The following LHFPL2 variants were observed in gnomAD, a reference collection of about 807,000 sequenced individuals.
LHFPL2 encodes the protein LHFPL tetraspan subfamily member 2.
A neutral mutation model predicts 17.5 loss-of-function variants in LHFPL2; 7 were observed. The ratio of observed to expected loss-of-function variants is 0.40; its 90% CI spans 0.23 to 0.75. LHFPL2 has a LOEUF of 0.75. LHFPL2 is among the 30% of genes least tolerant of loss of function. LHFPL2 has a pLI of 0.37. For synonymous variants in LHFPL2, 134 were observed against 116.2 expected, an observed-to-expected ratio of 1.15 and a Z score of -0.99; for missense variants, 241 against 294.8, an observed-to-expected ratio of 0.82 and a Z score of 1.34.
chr5:78,638,017 A>G (rs540098831), intron 1 of LHFPL2, among the ~76,000 whole-genome samples: 17 of 152,302 alleles, frequency 1.1e-4, no homozygotes, highest in Admixed American at 7.8e-4. Flanking sequence ...GCAGGACCCA[A>G]TGAATAGCTG....
chr5:78,492,831 A>G (rs1173852851), intron 4 of LHFPL2, among the ~76,000 whole-genome samples: 2 of 152,210 alleles, frequency 1.3e-5, no homozygotes, highest in Non-Finnish European at 2.9e-5. Flanking sequence ...AAGTGTGCCA[A>G]CCACACGCTG....
chr5:78,633,200 G>A (rs10069173), intron 1 of LHFPL2, among the ~76,000 whole-genome samples: 2 of 151,986 alleles, frequency 1.3e-5, no homozygotes, highest in African/African-American at 4.8e-5. Flanking sequence ...CATCCTGGTC[G>A]GTTGTGAGAG....
chr5:78,588,251 G>GCCTGCAACTCCTGGGATCAAGTGATCTT (rs1743500225), intron 2 of LHFPL2, among the ~76,000 whole-genome samples: 2 of 152,196 alleles, frequency 1.3e-5, no homozygotes, highest in African/African-American at 4.8e-5. Flanking sequence ...GCTCACTGCT[G>GCCTGCAACTCCTGGGATCAAGTGATCTT]CCTGCAACTC....
At chr5:78,520,204 C>T (rs1755410315) in intron 3 of LHFPL2, among the ~76,000 whole-genome samples, 1 of 152,176 alleles carries the variant, frequency 6.6e-6, no homozygotes, top group Non-Finnish European at 1.5e-5. Context: ...CCCAAGGCCA[C>T]AAAAGCACCT....
chr5:78,485,742 T>C lies in LHFPL2; in HGVS notation c.*3155A>G, dbSNP rs1417522537. On this transcript the variant is annotated 3_prime_UTR_variant, in exon 5 of 5. Coordinates refer to ENST00000380345, the MANE Select transcript of LHFPL2 (RefSeq NM_005779.3). ...GTGATTATGTACCAGCTACTAGTTA[T>C]CCTACTAAGAGAAAAGGCAACATGG... is the stretch of plus-strand genomic sequence containing the variant. 1 of 152,622 alleles carries C rather than the reference T, an allele frequency of 6.6e-6. No homozygotes were observed. 9.5% of individuals were successfully genotyped at this position (152,622 alleles called of 1,614,324 possible). A position where few individuals can be genotyped will look rare whatever the true frequency, so the allele number is the denominator to read the frequency against.
chr5:78,528,155 T>TTTTTTA, intron 3 of LHFPL2, among the ~76,000 whole-genome samples: 1 of 152,252 alleles, frequency 6.6e-6, no homozygotes, highest in East Asian at 1.9e-4. Flanking sequence ...CTGTACCTGC[T>TTTTTTA]ATGGGCTTCC....
intron 3 of LHFPL2, among the ~76,000 whole-genome samples, chr5:78,518,220 A>G (rs767797128): frequency 1.3e-5 from 2 of 152,246 alleles, no homozygotes; most frequent in Non-Finnish European, 2.9e-5. Flanking sequence ...GGCAAAATAT[A>G]AGTCTTAAAG....
At position 78,645,315 on chromosome 5, in the gene LHFPL2, T is replaced by C. The variant is rs117685206; in HGVS notation, c.-350+3184A>G. 2.7e-4 allele frequency among the ~76,000 whole-genome samples: 41 copies of C among 151,842 alleles called. No homozygotes were observed. In the East Asian group the frequency reaches 6.8e-3, roughly 25 times the overall value. ...GGCCTACTCTTGGTACTTGCTGTGTTACCAGAGCCCAGAACAGAGCCTGGC... is the reference window on the plus strand; with the variant it reads ...GGCCTACTCTTGGTACTTGCTGTGTCACCAGAGCCCAGAACAGAGCCTGGC... On this transcript the variant is annotated intron_variant, in intron 1 of 4. Transcript: ENST00000380345.
intron 1 of LHFPL2, among the ~76,000 whole-genome samples, chr5:78,640,686 C>T (rs1255264162): frequency 6.6e-6 from 1 of 152,106 alleles, no homozygotes; most frequent in Non-Finnish European, 1.5e-5. Flanking sequence ...CACTCATAGC[C>T]CCATTAAGAT....
chr5:78,552,936 G>A (rs1485715384), intron 3 of LHFPL2, among the ~76,000 whole-genome samples: 1 of 152,150 alleles, frequency 6.6e-6, no homozygotes, highest in African/African-American at 2.4e-5. Context: ...TTGGGACTTG[G>A]AACCCCACAG....
chr5:78,535,695 TG>T (rs1047492371), intron 3 of LHFPL2, among the ~76,000 whole-genome samples: 5 of 152,114 alleles, frequency 3.3e-5, no homozygotes, highest in African/African-American at 9.7e-5. Flanking sequence ...AGCCTGTGGC[TG>T]GGGGCGCCTC....
At chr5:78,647,298 C>G (rs1477922116) in intron 1 of LHFPL2, among the ~76,000 whole-genome samples, 2 of 152,190 alleles carry the variant, frequency 1.3e-5, no homozygotes, top group Non-Finnish European at 2.9e-5. Flanking sequence ...ATCAGGAATA[C>G]CAGCAAAAGT....
chr5:78,490,290 C>T (rs995296422), intron 4 of LHFPL2, among the ~76,000 whole-genome samples: 33 of 152,256 alleles, frequency 2.2e-4, no homozygotes, highest in African/African-American at 5.1e-4. Context: ...CAAAAGGAGT[C>T]GCTTGCTGAC....
intron 4 of LHFPL2, among the ~76,000 whole-genome samples, chr5:78,500,868 G>A (rs1754752304): frequency 1.3e-5 from 2 of 152,156 alleles, no homozygotes; most frequent in Non-Finnish European, 2.9e-5. Flanking sequence ...TGCCATAACT[G>A]TCTAGGAGGG....
chr5:78,628,335 C>T (rs978742619), intron 2 of LHFPL2, among the ~76,000 whole-genome samples: 1 of 152,188 alleles, frequency 6.6e-6, no homozygotes, highest in African/African-American at 2.4e-5. Context: ...CTCTTTTAAA[C>T]GGATATGAGA....
intron 2 of LHFPL2, among the ~76,000 whole-genome samples, chr5:78,605,021 T>G (rs1471231211): frequency 6.6e-6 from 1 of 152,232 alleles, no homozygotes; most frequent in East Asian, 1.9e-4. Flanking sequence ...TACAACATAA[T>G]GTGCCTGAAA....
intron 3 of LHFPL2, among the ~76,000 whole-genome samples, chr5:78,511,882 C>G (rs1217646893): frequency 6.6e-6 from 1 of 152,134 alleles, no homozygotes; most frequent in East Asian, 1.9e-4. Flanking sequence ...GCGTGTGTCA[C>G]AGCGCTGTGC....
At chr5:78,596,741 T>C (rs1366047840) in intron 2 of LHFPL2, among the ~76,000 whole-genome samples, 2 of 152,160 alleles carry the variant, frequency 1.3e-5, no homozygotes, top group South Asian at 2.1e-4. Flanking sequence ...ACCAAGGAAA[T>C]GCTGCCCAAA....
At chr5:78,584,073 A>G (rs1743268629) in intron 2 of LHFPL2, among the ~76,000 whole-genome samples, 2 of 151,880 alleles carry the variant, frequency 1.3e-5, no homozygotes, top group Admixed American at 1.3e-4. Context: ...AGTTGATCGC[A>G]TCGGCTCCTG....
Sources: allele counts gnomAD v4.1 joint callset (sites outside exome capture counted in the v4.1 genomes callset), GRCh38; gene constraint gnomAD v4.1.1; transcripts MANE v1.5; gene names NCBI Gene and HGNC (gene_info 2026-07-23, HGNC 2026-07-21).